The following SEMA6D variants were observed in gnomAD, a reference collection of about 807,000 sequenced individuals.
The protein encoded by SEMA6D is semaphorin-6D.
Under a neutral mutation model 106.6 loss-of-function variants are expected in SEMA6D, and 35 were observed. The ratio of observed to expected loss-of-function variants is 0.33; its 90% CI spans 0.25 to 0.44. The LOEUF is 0.44. Ranked by LOEUF, SEMA6D falls within the 20% of genes least tolerant of loss-of-function variation. The probability of loss-of-function intolerance (pLI) is 1.00; values close to 1 mark genes in which losing one functional copy is unlikely to be tolerated. For synonymous variants in SEMA6D, 499 were observed against 487.7 expected (o/e 1.02, Z -0.31); for missense variants, 1,185 against 1,345.9 (o/e 0.88, Z 1.87).
intron 1 of SEMA6D, among the ~76,000 whole-genome samples, chr15:47,193,348 C>T (rs1389010342): frequency 6.6e-6 from 1 of 152,158 alleles, no homozygotes; most frequent in East Asian, 1.9e-4. Flanking sequence ...ATGACACTCA[C>T]AGGAAATGCT....
chr15:47,425,932 T>G (rs1263281825), intron 2 of SEMA6D, among the ~76,000 whole-genome samples: 1 of 152,176 alleles, frequency 6.6e-6, no homozygotes. Context: ...CTAATTACTT[T>G]TAATCATTTT....
At chr15:47,613,603 A>G (rs1421870058) in intron 4 of SEMA6D, among the ~76,000 whole-genome samples, 1 of 152,182 alleles carries the variant, frequency 6.6e-6, no homozygotes, top group African/African-American at 2.4e-5. Flanking sequence ...AATATTTAGA[A>G]GTACAGTATA....
At chr15:47,425,672 CTTTT>C (rs750135945) in intron 2 of SEMA6D, among the ~76,000 whole-genome samples, 4 of 136,610 alleles carry the variant, frequency 2.9e-5, no homozygotes, top group Admixed American at 7.3e-5. Flanking sequence ...AAGATACTTT[CTTTT>C]TTTTTTTTTT....
At chr15:47,721,425 G>T (rs2079415193) in intron 1 of SEMA6D, among the ~76,000 whole-genome samples, 1 of 152,172 alleles carries the variant, frequency 6.6e-6, no homozygotes, top group African/African-American at 2.4e-5. Context: ...ATCTACCAAA[G>T]CTAGTGTCTT....
At chr15:47,739,517 AGTG>A (rs1286640842) in intron 1 of SEMA6D, among the ~76,000 whole-genome samples, 1 of 152,132 alleles carries the variant, frequency 6.6e-6, no homozygotes, top group Non-Finnish European at 1.5e-5. Context: ...GATAGGTTTT[AGTG>A]GTGGGTCTGA....
chr15:47,476,137 A>G (rs2042995457), intron 3 of SEMA6D, among the ~76,000 whole-genome samples: 1 of 152,092 alleles, frequency 6.6e-6, no homozygotes, highest in Admixed American at 6.6e-5. Flanking sequence ...ACAGGAAAGA[A>G]CTCTGTATTT....
At chr15:47,740,314 A>C (rs2080729498) in intron 1 of SEMA6D, among the ~76,000 whole-genome samples, 1 of 152,112 alleles carries the variant, frequency 6.6e-6, no homozygotes, top group Non-Finnish European at 1.5e-5. Context: ...AGGTCAAGAG[A>C]TCGAGACCAT....
At chr15:47,294,938 A>G (rs1489178833) in intron 1 of SEMA6D, among the ~76,000 whole-genome samples, 1 of 152,168 alleles carries the variant, frequency 6.6e-6, no homozygotes, top group Non-Finnish European at 1.5e-5. Flanking sequence ...TGAAGCATTT[A>G]GTTCTCTTGT....
chr15:47,764,869 G>A lies in SEMA6D; in HGVS notation c.1254-14G>A, dbSNP rs780017712. On this transcript the variant is annotated splice_polypyrimidine_tract_variant and intron_variant, in intron 12 of 18. Coordinates refer to ENST00000536845, the MANE Select transcript of SEMA6D (RefSeq NM_001358351.3). Reference sequence around the variant, plus strand: ...TTGGCCTCCCCTTCTGATCTGTGCCGCCTCCTCTTGTAGGTACAGACTGAC... The same window carrying A: ...TTGGCCTCCCCTTCTGATCTGTGCCACCTCCTCTTGTAGGTACAGACTGAC... 56 of 1,613,490 alleles carry A rather than the reference G, an allele frequency of 3.5e-5. No individual in the cohort carries two copies. Among genetic ancestry groups the A allele is most frequent in the African/African-American group, 1.6e-4 (12 of 74,994 alleles).
intron 2 of SEMA6D, among the ~76,000 whole-genome samples, chr15:47,431,132 A>C (rs1044569239): frequency 1.3e-5 from 2 of 152,098 alleles, no homozygotes; most frequent in Non-Finnish European, 2.9e-5. Context: ...AGACATGAAA[A>C]CTATTGGGCT....
intron 1 of SEMA6D, among the ~76,000 whole-genome samples, chr15:47,742,712 C>G (rs1402328197): frequency 6.6e-6 from 1 of 152,146 alleles, no homozygotes. Flanking sequence ...ATAGATGCAG[C>G]CCCTCAGGAA....
At chr15:47,527,348 T>G (rs891261289) in intron 3 of SEMA6D, among the ~76,000 whole-genome samples, 2 of 152,234 alleles carry the variant, frequency 1.3e-5, no homozygotes, top group Non-Finnish European at 2.9e-5. Flanking sequence ...GGGTGCATAT[T>G]TTTACAAAAG....
rs556940188 is a variant in SEMA6D, at chr15:47,760,569, C to T, written c.221+154C>T. ...ACTGAGAAGAGTCAGTGTTGTGTAC[C>T]GGGAACAAAATACAGAGCTCAAGCT... On this transcript the variant is annotated intron_variant, in intron 3 of 18. Coordinates refer to ENST00000536845, the MANE Select transcript of SEMA6D (RefSeq NM_001358351.3). 1.5e-3 allele frequency among the ~76,000 whole-genome samples: 228 copies of T among 152,134 alleles called. 1 individual carries two copies. The highest frequency in any genetic ancestry group is 4.8e-3 in the African/African-American group (200 of 41,504).
chr15:47,746,891 A>T (rs652281), intron 1 of SEMA6D, among the ~76,000 whole-genome samples: 7,498 of 151,630 alleles, frequency 0.049, 522 homozygotes, highest in African/African-American at 0.15. Flanking sequence ...TTCTCTTGTC[A>T]TTAGTTAGCC....
chr15:47,314,849 C>CTTTTT (rs1173992222), intron 1 of SEMA6D, among the ~76,000 whole-genome samples: 5 of 83,918 alleles, frequency 6.0e-5, no homozygotes, highest in African/African-American at 1.6e-4. Flanking sequence ...TCTAGGTTTT[C>CTTTTT]TTTTTTTTTT....
intron 4 of SEMA6D, among the ~76,000 whole-genome samples, chr15:47,636,197 A>G (rs1435741889): frequency 6.6e-6 from 1 of 152,216 alleles, no homozygotes; most frequent in Non-Finnish European, 1.5e-5. Context: ...TACATTTACT[A>G]AAAATAATTG....
chr15:47,499,433 T>A (rs1265140136), intron 3 of SEMA6D, among the ~76,000 whole-genome samples: 1 of 152,178 alleles, frequency 6.6e-6, no homozygotes, highest in Non-Finnish European at 1.5e-5. Flanking sequence ...GTTATTTGTA[T>A]CAAAAATTAA....
intron 4 of SEMA6D, among the ~76,000 whole-genome samples, chr15:47,644,092 C>T (rs145213783): frequency 8.5e-5 from 13 of 152,222 alleles, no homozygotes; most frequent in African/African-American, 1.7e-4. Context: ...TGCCAGGTCT[C>T]ATCTTAGTCT....
chr15:47,316,478 C>T (rs1190033504), intron 1 of SEMA6D, among the ~76,000 whole-genome samples: 1 of 152,030 alleles, frequency 6.6e-6, no homozygotes, highest in African/African-American at 2.4e-5. Flanking sequence ...CCTTGTTCCT[C>T]ATCTTAGTGG....
Sources: gnomAD v4.1 joint callset for allele counts (sites outside exome capture counted in the v4.1 genomes callset) on GRCh38, gnomAD v4.1.1 for gene constraint, MANE v1.5 for transcripts, NCBI Gene and HGNC (gene_info 2026-07-23, HGNC 2026-07-21) for gene names.